Variants in EPHB1 observed in about 807,000 individuals in gnomAD.
The protein encoded by EPHB1 is ephrin type-B receptor 1.
In EPHB1, 30 loss-of-function variants were observed where a neutral mutation model predicts 94.4. That is an observed-to-expected ratio of 0.32 (90% CI 0.24 to 0.43). EPHB1 has a LOEUF of 0.43. Among genes scored for constraint, EPHB1 ranks in the 20% least tolerant of loss-of-function variants. The pLI is 1.00. For missense variants in EPHB1, 1,055 were observed against 1,308.3 expected (o/e 0.81, Z 2.99); for synonymous variants, 522 against 489.1 (o/e 1.07, Z -0.89).
intron 3 of EPHB1, among the ~76,000 whole-genome samples, chr3:134,983,146 T>A (rs1934470167): frequency 6.6e-6 from 1 of 152,232 alleles, no homozygotes. Flanking sequence ...TTAGTGACTT[T>A]CAGTCTCCAG....
At position 135,192,621 on chromosome 3, in the gene EPHB1, A is replaced by T; in HGVS notation, c.1928A>T (p.Lys643Met). 2 of 1,614,034 alleles carry T rather than the reference A, an allele frequency of 1.2e-6. No homozygotes were observed. Among genetic ancestry groups the T allele is most frequent in the Non-Finnish European group, 1.7e-6 (2 of 1,179,942 alleles). Residue 643 changes from lysine to methionine, a missense_variant, in exon 11 of 16, where the codon AAG becomes ATG. Coordinates refer to ENST00000398015, the MANE Select transcript of EPHB1 (RefSeq NM_004441.5). The part of the protein sequence containing the change: ...VYKGRLKLPG[K>M]REIYVAIKTL... ...AAGGGGCGTTTGAAACTGCCAGGCA[A>T]GAGGGAAATCTACGTGGCCATCAAG...
chr3:135,080,336 G>A (rs1349185795), intron 3 of EPHB1, among the ~76,000 whole-genome samples: 2 of 152,156 alleles, frequency 1.3e-5, no homozygotes, highest in Admixed American at 6.5e-5. Flanking sequence ...CAGAGAGAAG[G>A]GGGAGGGGTG....
intron 14 of EPHB1, 82 bp from the exon 15 acceptor site, chr3:135,249,254 G>A (rs1398868961): frequency 4.7e-6 from 7 of 1,476,432 alleles, no homozygotes; most frequent in African/African-American, 1.4e-5. Flanking sequence ...TGCCTTCCAT[G>A]AAGTCAGCTG....
chr3:135,105,577 G>T (rs532915510), intron 3 of EPHB1, among the ~76,000 whole-genome samples: 1 of 152,110 alleles, frequency 6.6e-6, no homozygotes, highest in African/African-American at 2.4e-5. Context: ...GTTAAGACCC[G>T]AGGGATAGCT....
intron 3 of EPHB1, among the ~76,000 whole-genome samples, chr3:134,984,148 C>T (rs569541918): frequency 1.3e-5 from 2 of 152,294 alleles, no homozygotes; most frequent in South Asian, 2.1e-4. Flanking sequence ...TAGAGTAGAA[C>T]CCCTGACCCT....
At chr3:134,960,278 A>T (rs989897297) in intron 3 of EPHB1, among the ~76,000 whole-genome samples, 3 of 152,114 alleles carry the variant, frequency 2.0e-5, no homozygotes, top group African/African-American at 7.2e-5. Context: ...AATGCACCTC[A>T]AACACTGGCA....
chr3:134,917,784 C>T (rs2038604043), intron 1 of EPHB1, among the ~76,000 whole-genome samples: 1 of 152,240 alleles, frequency 6.6e-6, no homozygotes, highest in African/African-American at 2.4e-5. Context: ...GACCACACAT[C>T]AACCAGTGGA....
At chr3:134,837,934 G>T (rs550990896) in intron 1 of EPHB1, among the ~76,000 whole-genome samples, 1 of 152,118 alleles carries the variant, frequency 6.6e-6, no homozygotes, top group South Asian at 2.1e-4. Context: ...TGGACATTAC[G>T]TAGCCATAGA....
Position 135,248,331 on chromosome 3 carries a change from G to A in EPHB1, c.2512G>A (p.Glu838Lys), listed in dbSNP as rs370164002. 1.3e-5 allele frequency: 21 copies of A among 1,589,428 alleles called. No homozygotes were observed. The highest frequency in any genetic ancestry group is 2.2e-5 in the South Asian group (2 of 89,142). The change falls in exon 14 of 16, where the codon GAG becomes AAG. Residue 838 changes from glutamate to lysine, a missense_variant. Physicochemically the swap from Glu to Lys is moderately conservative, Grantham distance 56. Coordinates refer to ENST00000398015, the MANE Select transcript of EPHB1 (RefSeq NM_004441.5). ...GTCACTGCAGGTCATCAATGCCATC[G>A]AGCAGGACTACCGGCTGCCCCCACC... ...MSNQDVINAI[E>K]QDYRLPPPMD... is the part of the protein sequence containing the mutation.
intron 12 of EPHB1, among the ~76,000 whole-genome samples, chr3:135,206,916 A>T (rs913935932): frequency 1.3e-5 from 2 of 152,186 alleles, no homozygotes; most frequent in African/African-American, 2.4e-5. Context: ...TTAAGAAAAA[A>T]AAAAGCTTCC....
chr3:134,951,673 A>G lies in EPHB1; in HGVS notation c.426A>G (p.Ala142=). Residue 142 remains alanine (A), a synonymous_variant, in exon 3 of 16, where the codon GCA becomes GCG. Coordinates refer to ENST00000398015, the MANE Select transcript of EPHB1 (RefSeq NM_004441.5). This position sits in a 1 kb window ranked among gnomAD's most constrained non-coding sequence, Gnocchi z 4.5. ...ACCTCAAAGTAGACACCATTGCTGC[A>G]GATGAGAGCTTCTCCCAGGTGGACT... ...APYLKVDTIA[A]DESFSQVDFG... is the part of the protein sequence containing the mutation. The G allele has an allele frequency of 6.2e-7, 1 of 1,614,140 alleles. No homozygotes were observed. The highest frequency in any genetic ancestry group is 8.5e-7 in the Non-Finnish European group (1 of 1,180,006).
intron 1 of EPHB1, among the ~76,000 whole-genome samples, chr3:134,870,765 C>A (rs144197287): frequency 2.0e-4 from 30 of 152,224 alleles, no homozygotes; most frequent in African/African-American, 7.0e-4. Flanking sequence ...GAGGGTTAAA[C>A]GAAATGCGAA....
intron 1 of EPHB1, among the ~76,000 whole-genome samples, chr3:134,882,790 C>CTTTCTTTCTTTCTTTCTTTCTTTA (rs2037776762): frequency 1.6e-5 from 1 of 62,374 alleles, no homozygotes; most frequent in Non-Finnish European, 3.6e-5. Context: ...TTCTTTCTTT[C>CTTTCTTTCTTTCTTTCTTTCTTTA]TTTCTTTCTT....
intron 2 of EPHB1, among the ~76,000 whole-genome samples, chr3:134,934,440 G>A (rs2038961389): frequency 6.6e-6 from 1 of 152,136 alleles, no homozygotes. Flanking sequence ...GTGCGTGGGT[G>A]GACCTACCTC....
intron 12 of EPHB1, among the ~76,000 whole-genome samples, chr3:135,214,518 A>T (rs1943098900): frequency 6.6e-6 from 1 of 152,146 alleles, no homozygotes; most frequent in African/African-American, 2.4e-5. Context: ...AACCTGCTGG[A>T]GGAAGCCAGG....
chr3:135,138,524 A>C (rs1281391234), intron 5 of EPHB1, among the ~76,000 whole-genome samples: 1 of 152,240 alleles, frequency 6.6e-6, no homozygotes, highest in Non-Finnish European at 1.5e-5. Flanking sequence ...TCAAAATTAA[A>C]TATTAAAACA....
chr3:134,958,414 GT>G (rs35207636), intron 3 of EPHB1, among the ~76,000 whole-genome samples: 2,681 of 101,554 alleles, frequency 0.026, 39 homozygotes, highest in South Asian at 0.069. Context: ...ACACAAGGGA[GT>G]GTGTGTGTGT....
At chr3:135,127,255 C>T (rs549916894) in intron 4 of EPHB1, among the ~76,000 whole-genome samples, 1 of 152,218 alleles carries the variant, frequency 6.6e-6, no homozygotes, top group African/African-American at 2.4e-5. Flanking sequence ...CACGTGTTCA[C>T]TTTTCTGGGG....
chr3:134,844,384 C>T (rs528506526), intron 1 of EPHB1, among the ~76,000 whole-genome samples: 3 of 152,160 alleles, frequency 2.0e-5, no homozygotes, highest in East Asian at 1.9e-4. Flanking sequence ...TATAAGCAAG[C>T]GTAGCCTTAG....
Sources: gnomAD v4.1 joint callset for allele counts (sites outside exome capture counted in the v4.1 genomes callset) on GRCh38, gnomAD v4.1.1 for gene constraint, Gnocchi (gnomAD v3.1) non-coding constraint, MANE v1.5 for transcripts, NCBI Gene and HGNC (gene_info 2026-07-23, HGNC 2026-07-21) for gene names.